The following GSE1 variants were observed in gnomAD, a reference collection of about 807,000 sequenced individuals.
GSE1 encodes the protein Gse1 coiled-coil protein, also known as genetic suppressor element 1.
In GSE1, 32 loss-of-function variants were observed where a neutral mutation model predicts 112.6. That is an observed-to-expected ratio of 0.28 (90% confidence interval 0.21 to 0.38). The LOEUF (loss-of-function observed/expected upper bound fraction) is 0.38, where lower values mean the gene tolerates loss of function less well. Among genes scored for constraint, GSE1 ranks in the 10% least tolerant of loss-of-function variants. The pLI is 1.00. For missense variants in GSE1, 2,348 were observed against 1,699.2 expected (o/e 1.38, Z -6.71); for synonymous variants, 1,115 against 735.6 (o/e 1.52, Z -8.35).
intron 2 of GSE1, among the ~76,000 whole-genome samples, chr16:85,360,364 G>A (rs570271640): frequency 1.3e-5 from 2 of 152,270 alleles, no homozygotes; most frequent in South Asian, 2.1e-4. Flanking sequence ...CCTGCCCTGC[G>A]GCCGGGTGGG....
At chr16:85,553,256 C>A (rs2045019297), upstream of GSE1, among the ~76,000 whole-genome samples, 4 of 149,462 alleles carry the variant, frequency 2.7e-5, no homozygotes, top group South Asian at 4.2e-4. Flanking sequence ...GCAGGGAGGG[C>A]AGGTGCCGGA....
chr16:85,221,629 C>G (rs567540370), intron 1 of GSE1, among the ~76,000 whole-genome samples: 1 of 152,194 alleles, frequency 6.6e-6, no homozygotes, highest in African/African-American at 2.4e-5. Flanking sequence ...CATCCCCTGA[C>G]GAGGCCAGGA....
intron 2 of GSE1, among the ~76,000 whole-genome samples, chr16:85,450,611 G>A (rs959017836): frequency 8.6e-5 from 13 of 151,360 alleles, no homozygotes; most frequent in African/African-American, 3.2e-4. Context: ...ACCATGCCCA[G>A]CTACTTTTTT....
At chr16:85,181,278 G>A (rs1356201505) in intron 1 of GSE1, among the ~76,000 whole-genome samples, 1 of 152,230 alleles carries the variant, frequency 6.6e-6, no homozygotes, top group Non-Finnish European at 1.5e-5. Context: ...ATGGCCCCAT[G>A]GGCGGATGGT....
chr16:85,403,707 C>T (rs934787944), intron 2 of GSE1, among the ~76,000 whole-genome samples: 14 of 151,914 alleles, frequency 9.2e-5, no homozygotes, highest in Admixed American at 3.9e-4. Context: ...GAGGCTGAGA[C>T]GGGAGGATCG....
chr16:85,379,861 G>C (rs2047507479), intron 2 of GSE1, among the ~76,000 whole-genome samples: 1 of 152,244 alleles, frequency 6.6e-6, no homozygotes, highest in African/African-American at 2.4e-5. Flanking sequence ...GGTCACCAAA[G>C]AGAAGACCTT....
intron 1 of GSE1, chr16:85,583,498 G>GCCCCCCCC (rs1264093424): frequency 1.3e-5 from 2 of 150,542 alleles, no homozygotes; most frequent in African/African-American, 5.0e-5. Context: ...TTCCAGGACC[G>GCCCCCCCC]CCCCCCACCC....
In GSE1 at chr16:85,221,310, G is replaced by A. The variant is rs1052295507; in HGVS notation, c.2283+49503G>A. Among the ~76,000 whole-genome samples, 27 of 136,500 alleles carry A rather than the reference G, an allele frequency of 2.0e-4. No homozygotes were observed. The East Asian group carries it at 2.4e-3, about 12-fold the overall frequency. The allele number at this position is 136,500 out of a possible 152,430, so 89.5% of individuals were successfully genotyped here. A position where few individuals can be genotyped will look rare whatever the true frequency, so the allele number is the denominator to read the frequency against. The stretch of plus-strand genomic sequence containing the variant: ...CTGGCCTGGTTCACACTTCCCTAGC[G>A]CGCACACACACACACACACACACAC... On this transcript the variant is annotated intron_variant, in intron 1 of 2. Transcript: ENST00000637419.
intron 1 of GSE1, among the ~76,000 whole-genome samples, chr16:85,346,253 T>C (rs1174531955): frequency 6.8e-6 from 1 of 147,138 alleles, no homozygotes; most frequent in Non-Finnish European, 1.5e-5. Context: ...GATGGATGGA[T>C]GGATGATGGA....
Position 85,672,549 on chromosome 16 carries a change from T to C in GSE1, c.*10T>C. 1 of 1,592,566 alleles carries C rather than the reference T, an allele frequency of 6.3e-7. No individual in the cohort carries two copies. The highest frequency in any genetic ancestry group is 1.1e-5 in the South Asian group (1 of 89,908). On this transcript the variant is annotated 3_prime_UTR_variant, in exon 16 of 16. Transcript: ENST00000253458. ...GGGATATCCCAGGTGACGGTTTCCC[T>C]TGCACTAGGCCGAACCTATAGTATA...
At chr16:85,359,142 C>A (rs955769781) in intron 2 of GSE1, among the ~76,000 whole-genome samples, 3 of 152,204 alleles carry the variant, frequency 2.0e-5, no homozygotes, top group Non-Finnish European at 4.4e-5. Context: ...GCAGCTCAGG[C>A]TGGGTCCACA....
rs1212056762 is a variant in GSE1 at position 85,673,294 on chromosome 16, G to C, written c.*755G>C. 6.6e-6 allele frequency: 1 copy of C among 152,210 alleles called. No individual in the cohort carries two copies. Among genetic ancestry groups the C allele is most frequent in the Non-Finnish European group, 1.5e-5 (1 of 67,986 alleles). The allele number at this position is 152,210 out of a possible 1,614,324, so 9.4% of individuals were successfully genotyped here. On this transcript the variant is annotated 3_prime_UTR_variant, in exon 16 of 16. Transcript: ENST00000253458. The stretch of plus-strand genomic sequence containing the variant: ...TTTCATACAGACGTAAATTTTGAGA[G>C]AAAAGTCAAAGGTGCTTCAGCCTTG...
chr16:85,644,283 G>A (rs1319186041), intron 2 of GSE1, among the ~76,000 whole-genome samples: 1 of 151,052 alleles, frequency 6.6e-6, no homozygotes, highest in African/African-American at 2.4e-5. Context: ...AGGCTGCAGT[G>A]AGCTGTGATT....
At chr16:85,545,913 G>T (rs2044679380) in intron 2 of GSE1, among the ~76,000 whole-genome samples, 1 of 151,908 alleles carries the variant, frequency 6.6e-6, no homozygotes, top group Non-Finnish European at 1.5e-5. Flanking sequence ...CTCCCGAGTA[G>T]CTGGGACTAC....
At chr16:85,365,582 C>T (rs530957967) in intron 2 of GSE1, among the ~76,000 whole-genome samples, 30 of 152,292 alleles carry the variant, frequency 2.0e-4, no homozygotes, top group Middle Eastern at 3.4e-3. Context: ...TTGGGGACCA[C>T]ATTCAGTAGA....
At chr16:85,562,484 G>C (rs970227246) in intron 1 of GSE1, among the ~76,000 whole-genome samples, 1 of 152,208 alleles carries the variant, frequency 6.6e-6, no homozygotes, top group African/African-American at 2.4e-5. Context: ...TGACTCTGGA[G>C]ACAGAAGAGG....
At position 85,332,131 on chromosome 16, in the gene GSE1, C is replaced by A. The variant is rs534936142; in HGVS notation, c.2284-25332C>A. On this transcript the variant is annotated intron_variant, in intron 1 of 2. Transcript: ENST00000637419. Reference sequence around the variant, plus strand: ...GGATGGGGCAGGGGGCCCAGACTCCCAGTCACACCCAAGCAAGTGGGACAA... The same window carrying A: ...GGATGGGGCAGGGGGCCCAGACTCCAAGTCACACCCAAGCAAGTGGGACAA... Among the ~76,000 whole-genome samples, 39 of 152,262 alleles carry A rather than the reference C, an allele frequency of 2.6e-4. No individual in the cohort carries two copies. The South Asian group carries it at 5.0e-3, about 19-fold the overall frequency.
chr16:85,647,141 G>T (rs2050939429), intron 2 of GSE1, among the ~76,000 whole-genome samples: 1 of 152,180 alleles, frequency 6.6e-6, no homozygotes, highest in Non-Finnish European at 1.5e-5. Context: ...CCAAACCCCT[G>T]CCGCACCTGC....
intron 2 of GSE1, among the ~76,000 whole-genome samples, chr16:85,366,150 C>A (rs995693235): frequency 6.6e-6 from 1 of 152,280 alleles, no homozygotes; most frequent in Non-Finnish European, 1.5e-5. Context: ...TACTGGGCTC[C>A]GGCCTCCCGA....
Sources: allele counts gnomAD v4.1 joint callset (sites outside exome capture counted in the v4.1 genomes callset), GRCh38; gene constraint gnomAD v4.1.1; transcripts MANE v1.5; gene names NCBI Gene and HGNC (gene_info 2026-07-23, HGNC 2026-07-21).